The following COL14A1 variants were observed in gnomAD, a reference collection of about 807,000 sequenced individuals.
COL14A1 encodes the protein collagen type XIV alpha 1 chain.
A neutral mutation model predicts 230.3 loss-of-function variants in COL14A1; 136 were observed. The observed-to-expected ratio is 0.59, with a 90% CI of 0.51 to 0.68. The LOEUF is 0.68. Ranked by LOEUF, COL14A1 falls within the 30% of genes least tolerant of loss-of-function variation. The pLI, the probability that COL14A1 is intolerant of heterozygous loss-of-function variation, is 0.00. For synonymous variants in COL14A1, 792 were observed against 784.1 expected (o/e 1.01, Z -0.17); for missense variants, 1,976 against 2,215.8 (o/e 0.89, Z 2.17).
At chr8:120,250,849 T>C in intron 22 of COL14A1, 83 bp downstream of exon 22, 2 of 1,514,534 alleles carry the variant, frequency 1.3e-6, no homozygotes, top group Non-Finnish European at 1.8e-6. Flanking sequence ...GCTCTGTCGC[T>C]CAGGCTGGAG....
At chr8:120,200,727 AT>A in intron 8 of COL14A1, among the ~76,000 whole-genome samples, 1 of 18,918 alleles carries the variant, frequency 5.3e-5, no homozygotes, top group East Asian at 2.6e-3. Flanking sequence ...ATATATATAT[AT>A]ATATATATAT....
chr8:120,283,419 A>G (rs561609605), intron 31 of COL14A1, among the ~76,000 whole-genome samples: 1 of 152,182 alleles, frequency 6.6e-6, no homozygotes, highest in South Asian at 2.1e-4. Flanking sequence ...ATGGAAAATG[A>G]CTATTAAATG....
chr8:120,126,059 A>G (rs548975477), intron 1 of COL14A1, among the ~76,000 whole-genome samples: 1 of 152,272 alleles, frequency 6.6e-6, no homozygotes, highest in South Asian at 2.1e-4. Context: ...GCCAGGTTGT[A>G]ATATTGGAGA....
chr8:120,341,203 T>C (rs1822283211), intron 42 of COL14A1, 122 bp from the exon 43 acceptor site: 1 of 930,908 alleles, frequency 1.1e-6, no homozygotes, highest in Non-Finnish European at 1.7e-6. Flanking sequence ...TGTGTAATGA[T>C]TTTTGCTGCA....
At chr8:120,193,717 CG>C (rs551490628) in intron 5 of COL14A1, among the ~76,000 whole-genome samples, 8 of 152,282 alleles carry the variant, frequency 5.3e-5, no homozygotes, top group African/African-American at 1.9e-4. Context: ...TTGAGCTTCC[CG>C]GCTGGTTTGG....
intron 9 of COL14A1, among the ~76,000 whole-genome samples, chr8:120,206,537 C>T (rs545089911): frequency 1.6e-4 from 24 of 152,264 alleles, no homozygotes; most frequent in East Asian, 3.9e-4. Context: ...GTAGTAGAGA[C>T]GGGGTTTTGC....
At chr8:120,272,084 G>A (rs541348304) in intron 26 of COL14A1, among the ~76,000 whole-genome samples, 2 of 151,652 alleles carry the variant, frequency 1.3e-5, no homozygotes, top group African/African-American at 4.8e-5. Flanking sequence ...TACCGTAAGA[G>A]GATAATGGAT....
At chr8:120,224,193 A>G (rs1283005894) in intron 14 of COL14A1, among the ~76,000 whole-genome samples, 1 of 151,418 alleles carries the variant, frequency 6.6e-6, no homozygotes, top group Non-Finnish European at 1.5e-5. Flanking sequence ...CACCCAGCTA[A>G]TTTTTGTATT....
At chr8:120,272,490 T>C (rs1041846441) in intron 26 of COL14A1, among the ~76,000 whole-genome samples, 3 of 151,666 alleles carry the variant, frequency 2.0e-5, no homozygotes, top group African/African-American at 7.3e-5. Flanking sequence ...ACTTAAAAGA[T>C]GCAGATTAGA....
chr8:120,298,589 CATATATTTTATATATATATATATATAT>C (rs1820600018), intron 35 of COL14A1, among the ~76,000 whole-genome samples: 1 of 84,370 alleles, frequency 1.2e-5, no homozygotes, highest in South Asian at 4.4e-4. Flanking sequence ...TGTGTATACC[CATATATTTTATATATATATATATATAT>C]ATATATATAT....
chr8:120,291,610 T>C (rs1373688795), intron 34 of COL14A1, among the ~76,000 whole-genome samples: 1 of 149,160 alleles, frequency 6.7e-6, no homozygotes, highest in Non-Finnish European at 1.5e-5. Context: ...AGAGAAACCA[T>C]TCTAGGTATA....
intron 22 of COL14A1, among the ~76,000 whole-genome samples, chr8:120,254,186 G>T (rs1328449818): frequency 6.6e-6 from 1 of 152,118 alleles, no homozygotes; most frequent in Non-Finnish European, 1.5e-5. Context: ...ATGGAAGTCA[G>T]AGGTCATTAG....
At chr8:120,331,473 T>A (rs1029844013) in intron 40 of COL14A1, among the ~76,000 whole-genome samples, 28 of 152,220 alleles carry the variant, frequency 1.8e-4, no homozygotes, top group African/African-American at 6.8e-4. Context: ...GTAGTTTTTT[T>A]AACACTTAAC....
chr8:120,257,645 A>G (rs543854183), intron 23 of COL14A1, among the ~76,000 whole-genome samples: 2 of 152,198 alleles, frequency 1.3e-5, no homozygotes, highest in East Asian at 1.9e-4. Flanking sequence ...CCACAGGCAG[A>G]TGAGTCTCAG....
intron 45 of COL14A1, among the ~76,000 whole-genome samples, chr8:120,354,918 A>G (rs992928238): frequency 6.6e-6 from 1 of 152,194 alleles, no homozygotes; most frequent in African/African-American, 2.4e-5. Context: ...ATGTCAAAGA[A>G]AAGCTATTTT....
At chr8:120,250,871 G>A (rs969724290) in intron 22 of COL14A1, 105 bp downstream of exon 22, 19 of 1,318,672 alleles carry the variant, frequency 1.4e-5, no homozygotes, top group Middle Eastern at 2.5e-4. Context: ...GCGCTGGTGC[G>A]ATCTGGACTC....
intron 45 of COL14A1, among the ~76,000 whole-genome samples, chr8:120,354,223 AC>A (rs1822890435): frequency 9.4e-6 from 1 of 106,508 alleles, no homozygotes; most frequent in Non-Finnish European, 1.8e-5. Flanking sequence ...GGGGAATATC[AC>A]ACTCTGGGGA....
intron 6 of COL14A1, 60 bp from the exon 7 acceptor site, chr8:120,197,751 G>A: frequency 6.4e-7 from 1 of 1,558,226 alleles, no homozygotes; most frequent in Non-Finnish European, 8.7e-7. Context: ...TTCTTGAGTA[G>A]CCCACTAGAT....
chr8:120,319,326 T>A (rs990452748), intron 40 of COL14A1, among the ~76,000 whole-genome samples: 2 of 151,706 alleles, frequency 1.3e-5, no homozygotes, highest in African/African-American at 2.4e-5. Context: ...CTGGCTAATT[T>A]TTTTATTTTA....
Sources: allele counts gnomAD v4.1 joint callset (sites outside exome capture counted in the v4.1 genomes callset), GRCh38; gene constraint gnomAD v4.1.1; transcripts MANE v1.5; gene names NCBI Gene and HGNC (gene_info 2026-07-23, HGNC 2026-07-21).